SYMPK: variants seen among roughly 807,000 people sequenced by gnomAD.
SYMPK encodes the protein symplekin scaffold protein, also known as symplekin.
SYMPK carries 49 observed loss-of-function variants against 136.4 expected under a neutral mutation model. That is an observed-to-expected ratio of 0.36 (90% confidence interval 0.29 to 0.46). The LOEUF is 0.46. Among genes scored for constraint, SYMPK ranks in the 20% least tolerant of loss-of-function variants. The pLI is 1.00. For missense variants in SYMPK, 1,365 were observed against 1,690.0 expected (o/e 0.81, Z 3.37); for synonymous variants, 766 against 713.0 (o/e 1.07, Z -1.19).
rs1430832396 is a variant in SYMPK, at chr19:45,821,150, G to T, written c.2893+234C>A. 1.4e-6 allele frequency: 1 copy of T among 698,028 alleles called. No individual in the cohort carries two copies. Among genetic ancestry groups the T allele is most frequent in the Non-Finnish European group, 2.6e-6 (1 of 382,812 alleles). 43.2% of individuals were successfully genotyped at this position (698,028 alleles called of 1,614,324 possible). ...AGCAGGTACATCAGAGGCAGAAAAAGGTGGGTTGTAAAGGGTAAAACCTGG... is the reference window on the plus strand; with the variant it reads ...AGCAGGTACATCAGAGGCAGAAAAATGTGGGTTGTAAAGGGTAAAACCTGG... On this transcript the variant is annotated intron_variant, in intron 22 of 26. Transcript: ENST00000245934. This position sits in a 1 kb window ranked among gnomAD's most constrained non-coding sequence, Gnocchi z 4.4.
chr19:45,815,420 C>T lies in SYMPK; in HGVS notation c.*140G>A, dbSNP rs62748960. 3 of 48,856 alleles carry T rather than the reference C, an allele frequency of 6.1e-5. No individual in the cohort carries two copies. Among genetic ancestry groups the T allele is most frequent in the African/African-American group, 5.6e-4 (2 of 3,592 alleles). The allele number at this position is 48,856 out of a possible 1,614,324, so 3.0% of individuals were successfully genotyped here. A position where few individuals can be genotyped will look rare whatever the true frequency, so the allele number is the denominator to read the frequency against. On this transcript the variant is annotated 3_prime_UTR_variant, in exon 27 of 27. Transcript: ENST00000245934. ...GGCACCCGCGCCCCAGGCCCGCCAT[C>T]CCTTTTTTTTTTTCTTTTCAGTAAC... is the stretch of plus-strand genomic sequence containing the variant.
At position 45,854,170 on chromosome 19, in the gene SYMPK, C is replaced by A; in HGVS notation, c.171+5G>T. The A allele has an allele frequency of 6.2e-7, 1 of 1,614,146 alleles. No homozygotes were observed. Among genetic ancestry groups the A allele is most frequent in the Non-Finnish European group, 8.5e-7 (1 of 1,180,002 alleles). On this transcript the variant is annotated splice_donor_5th_base_variant and intron_variant, in intron 3 of 26. Transcript: ENST00000245934. ...CTCAGCCCAGGATGCCCCCCGGGCC[C>A]TCACCTGTTTGAGCACTGTGATCTT...
In SYMPK at chr19:45,816,123, T is replaced by C; in HGVS notation, c.3415A>G (p.Ile1139Val). ...APAPRPPQDL[I>V]GLRLAQEKAL... ...TTCTCCTGGGCCAGTCGCAGGCCGA[T>C]GAGGTCCTGAGGGGGCCGGGGTGCT... The change falls in exon 26 of 27, where the codon ATC (isoleucine) becomes GTC (valine). Residue 1139 changes from isoleucine (I) to valine (V), a missense_variant. Coordinates refer to ENST00000245934, the MANE Select transcript of SYMPK (RefSeq NM_004819.3). 1.3e-6 allele frequency: 2 copies of C among 1,550,570 alleles called. No individual in the cohort carries two copies. Among genetic ancestry groups the C allele is most frequent in the Non-Finnish European group, 1.7e-6 (2 of 1,145,290 alleles).
At chr19:45,826,469 C>T (rs1409366110) in intron 16 of SYMPK, 96 bp from the exon 17 acceptor site, 25 of 1,382,916 alleles carry the variant, frequency 1.8e-5, no homozygotes, top group Non-Finnish European at 1.0e-6. Flanking sequence ...GAAAACAAGC[C>T]CGAGGCTGAG....
intron 5 of SYMPK, among the ~76,000 whole-genome samples, chr19:45,849,085 GCTCT>G (rs756833414): frequency 2.0e-5 from 3 of 152,106 alleles, no homozygotes; most frequent in Non-Finnish European, 4.4e-5. Context: ...CAACTCCTTT[GCTCT>G]CTCAGGGCCC....
chr19:45,842,461 C>T lies in SYMPK; in HGVS notation c.876G>A (p.Ser292=), dbSNP rs368278331. The T allele has an allele frequency of 2.1e-5, 34 of 1,613,510 alleles. No homozygotes were observed. The African/African-American group carries it at 2.1e-4, about 10-fold the overall frequency. The change falls in exon 9 of 27, where the codon TCG becomes TCA. Residue 292 remains serine, a synonymous_variant. Coordinates refer to ENST00000245934, the MANE Select transcript of SYMPK (RefSeq NM_004819.3). ...HANLPPTLAK[S]QVSSVRKNLK... is the part of the protein sequence containing the mutation. ...GATTCTTACGCACACTGCTCACCTG[C>T]GATTTGGCCAGCGTCGGGGGCAGGT...
At chr19:45,842,183 T>A in intron 9 of SYMPK, 67 bp downstream of exon 9, 1 of 1,596,876 alleles carries the variant, frequency 6.3e-7, no homozygotes, top group Non-Finnish European at 8.6e-7. Flanking sequence ...AAATTCAGCA[T>A]AGTTTAAGGT....
At chr19:45,839,507 A>C (rs1290436925) in intron 9 of SYMPK, among the ~76,000 whole-genome samples, 1 of 152,226 alleles carries the variant, frequency 6.6e-6, no homozygotes, top group Non-Finnish European at 1.5e-5. Flanking sequence ...CTTTGGAGCC[A>C]GTATAGAATA....
chr19:45,854,436 A>G lies in SYMPK; in HGVS notation c.60T>C (p.Thr20=), dbSNP rs763957294. Residue 20 remains threonine, a synonymous_variant, in exon 2 of 27, where the codon ACT becomes ACC. Coordinates refer to ENST00000245934, the MANE Select transcript of SYMPK (RefSeq NM_004819.3). ...TRRSVASQFF[T]QEEGPGIDGM... is the part of the protein sequence containing the mutation. ...CATCGATGCCCGGCCCCTCCTCTTG[A>G]GTGAAAAACTGTGATGCCACGCTCC... is the stretch of plus-strand genomic sequence containing the variant. 3.7e-6 allele frequency: 6 copies of G among 1,613,938 alleles called. No homozygotes were observed. The African/African-American group carries it at 8.0e-5, about 22-fold the overall frequency.
Position 45,848,891 on chromosome 19 carries a change from A to G in SYMPK, c.300-15T>C. On this transcript the variant is annotated splice_polypyrimidine_tract_variant and intron_variant, in intron 5 of 26. Coordinates refer to ENST00000245934, the MANE Select transcript of SYMPK (RefSeq NM_004819.3). Reference sequence around the variant, plus strand: ...TGTCTCGCTTGCTGAGGGATGGAGAAAAAAGGGGCGAGGTCAAGGTGTGGT... The same window carrying G: ...TGTCTCGCTTGCTGAGGGATGGAGAGAAAAGGGGCGAGGTCAAGGTGTGGT... The G allele has an allele frequency of 5.6e-6, 9 of 1,613,838 alleles. No homozygotes were observed. The highest frequency in any genetic ancestry group is 7.6e-6 in the Non-Finnish European group (9 of 1,179,970).
chr19:45,837,893 A>G (rs927984043), intron 10 of SYMPK, among the ~76,000 whole-genome samples: 3 of 152,030 alleles, frequency 2.0e-5, no homozygotes, highest in Non-Finnish European at 2.9e-5. Flanking sequence ...AGAAAGTGGA[A>G]AAGTGTAGTT....
Position 45,844,084 on chromosome 19 carries a change from G to C in SYMPK, c.793C>G (p.Arg265Gly). The C allele has an allele frequency of 6.2e-7, 1 of 1,611,584 alleles. No individual in the cohort carries two copies. The highest frequency in any genetic ancestry group is 8.5e-7 in the Non-Finnish European group (1 of 1,178,874). ...TCAGACATGAACATGGGTCTCTGGC[G>C]GGCGATATTGGCAAGGGAGCCCAGC... ...TALGSLANIA[R>G]QRPMFMSEVI... Residue 265 changes from arginine to glycine, a missense_variant, in exon 8 of 27, where the codon CGC becomes GGC. Transcript: ENST00000245934.
chr19:45,815,447 TG>T lies in SYMPK; in HGVS notation c.*112del, dbSNP rs1970700164. On this transcript the variant is annotated 3_prime_UTR_variant, in exon 27 of 27. Coordinates refer to ENST00000245934, the MANE Select transcript of SYMPK (RefSeq NM_004819.3). ...CTTTTTTTTTTTCTTTTCAGTAACT[TG>T]CCCAAGTTCACATCTTTTATTTCTT... 28 of 1,139,498 alleles carry T rather than the reference TG, an allele frequency of 2.5e-5. No individual in the cohort carries two copies. In the South Asian group the frequency reaches 4.6e-4, roughly 19 times the overall value. 70.6% of individuals were successfully genotyped at this position (1,139,498 alleles called of 1,614,324 possible). A position where few individuals can be genotyped will look rare whatever the true frequency, so the allele number is the denominator to read the frequency against.
chr19:45,842,355 G>T lies in SYMPK; in HGVS notation c.982C>A (p.Leu328Met). The change falls in exon 9 of 27, where the codon CTG becomes ATG. Residue 328 changes from leucine to methionine, a missense_variant. By Grantham distance (15) the Leu-to-Met change is conservative. Around this residue, in one of 11 missense-constraint regions of SYMPK, gnomAD observed 111 missense variants for 141.2 expected, o/e 0.79. Coordinates refer to ENST00000245934, the MANE Select transcript of SYMPK (RefSeq NM_004819.3). ...QAQITTLLVDLGTPQAEIARN... is the reference protein window; with the variant it reads ...QAQITTLLVDMGTPQAEIARN... ...GCGATCTCGGCCTGAGGTGTGCCCA[G>T]GTCCACCAGCAGGGTGGTGATCTGG... The T allele has an allele frequency of 6.2e-7, 1 of 1,614,186 alleles. No homozygotes were observed. The highest frequency in any genetic ancestry group is 8.5e-7 in the Non-Finnish European group (1 of 1,180,038).
chr19:45,856,182 C>G (rs1273090507), intron 1 of SYMPK, among the ~76,000 whole-genome samples: 1 of 151,752 alleles, frequency 6.6e-6, no homozygotes, highest in Non-Finnish European at 1.5e-5. Context: ...GGTGAAACCC[C>G]ATCTCTAGTA....
intron 15 of SYMPK, 41 bp downstream of exon 15, chr19:45,827,796 G>A (rs983547354): frequency 3.1e-6 from 5 of 1,605,124 alleles, no homozygotes; most frequent in Admixed American, 3.3e-5. Flanking sequence ...GCAGGGCCCT[G>A]TCCCCTGCCC....
intron 5 of SYMPK, among the ~76,000 whole-genome samples, chr19:45,850,348 A>C (rs1315357036): frequency 6.6e-6 from 1 of 152,240 alleles, no homozygotes; most frequent in Non-Finnish European, 1.5e-5. Context: ...CTTCAGTTAA[A>C]GGGTCAAACA....
chr19:45,818,913 GTCAA>G (rs950291479), intron 22 of SYMPK: 6 of 152,136 alleles, frequency 3.9e-5, no homozygotes, highest in African/African-American at 1.4e-4. Flanking sequence ...CCATGTGAGT[GTCAA>G]CCAGGAAGTC....
At chr19:45,839,022 G>A (rs1971372948) in intron 9 of SYMPK, among the ~76,000 whole-genome samples, 1 of 152,208 alleles carries the variant, frequency 6.6e-6, no homozygotes, top group Non-Finnish European at 1.5e-5. Flanking sequence ...AAGTAACTGG[G>A]ATTATAGGCA....
Sources: gnomAD v4.1 joint callset for allele counts (sites outside exome capture counted in the v4.1 genomes callset) on GRCh38, gnomAD v4.1.1 for gene constraint, gnomAD v4.1.1 regional missense constraint, Gnocchi (gnomAD v3.1) non-coding constraint, MANE v1.5 for transcripts, NCBI Gene and HGNC (gene_info 2026-07-23, HGNC 2026-07-21) for gene names.